The following DNAH7 variants were observed in gnomAD, a reference collection of about 807,000 sequenced individuals.
DNAH7 encodes axonemal beta dynein heavy chain 7.
Under a neutral mutation model 444.6 loss-of-function variants are expected in DNAH7, and 397 were observed. That is an observed-to-expected ratio of 0.89 (90% confidence interval 0.82 to 0.97). The LOEUF is 0.97. Among genes scored for constraint, DNAH7 ranks in the 50% least tolerant of loss-of-function variants. The probability of loss-of-function intolerance (pLI) is 0.00; values close to 1 mark genes in which losing one functional copy is unlikely to be tolerated. For missense variants in DNAH7, 4,902 were observed against 4,800.8 expected, an observed-to-expected ratio of 1.02 and a Z score of -0.62; for synonymous variants, 1,636 against 1,624.4, an observed-to-expected ratio of 1.01 and a Z score of -0.17.
At position 195,922,186 on chromosome 2, in the gene DNAH7, T is replaced by C. The variant is rs368467702; in HGVS notation, c.3837A>G (p.Leu1279=). ...QLRYYWQENH[L]ETKMINAGLR... is the part of the protein sequence containing the mutation. ...AACCAGCATTGATCATTTTTGTTTC[T>C]AAATGATTTTCCTAGGATAAATCAA... The change falls in exon 24 of 65, where the codon TTA becomes TTG. Residue 1279 remains leucine (L), a synonymous_variant. Transcript: ENST00000312428. 6.3e-7 allele frequency: 1 copy of C among 1,598,388 alleles called. No individual in the cohort carries two copies. Among genetic ancestry groups the C allele is most frequent in the Non-Finnish European group, 8.6e-7 (1 of 1,165,958 alleles).
intron 12 of DNAH7, among the ~76,000 whole-genome samples, chr2:195,990,359 C>T (rs1311363322): frequency 2.6e-5 from 4 of 152,018 alleles, no homozygotes; most frequent in Non-Finnish European, 5.9e-5. Context: ...GCTCTTGGTG[C>T]CTTTGTCAAA....
intron 19 of DNAH7, among the ~76,000 whole-genome samples, chr2:195,951,884 A>T (rs1449495232): frequency 6.6e-6 from 1 of 152,094 alleles, no homozygotes; most frequent in Non-Finnish European, 1.5e-5. Context: ...CTCTTTATCC[A>T]ATGTGACAGT....
chr2:195,979,495 T>G (rs956222026), intron 15 of DNAH7, among the ~76,000 whole-genome samples: 5 of 152,152 alleles, frequency 3.3e-5, no homozygotes, highest in African/African-American at 4.8e-5. Flanking sequence ...GGGAATTTTA[T>G]AGCTACAAGT....
At chr2:195,938,872 T>C (rs1689234135) in intron 19 of DNAH7, among the ~76,000 whole-genome samples, 1 of 152,168 alleles carries the variant, frequency 6.6e-6, no homozygotes, top group East Asian at 1.9e-4. Flanking sequence ...AATCATCTTA[T>C]GACTGGCAAC....
chr2:195,889,489 A>T (rs1267220412), intron 31 of DNAH7, among the ~76,000 whole-genome samples: 1 of 151,298 alleles, frequency 6.6e-6, no homozygotes, highest in Admixed American at 6.6e-5. Context: ...TAAATTTTTT[A>T]TTTCTTGTGG....
chr2:195,953,570 G>C (rs2125494075), intron 19 of DNAH7, among the ~76,000 whole-genome samples: 1 of 152,334 alleles, frequency 6.6e-6, no homozygotes, highest in East Asian at 1.9e-4. Context: ...GTCCCAGGGA[G>C]ATGGGAGTTT....
chr2:195,809,789 A>G lies in DNAH7; in HGVS notation c.9844T>C (p.Phe3282Leu). Residue 3282 changes from phenylalanine (F) to leucine (L), a missense_variant, in exon 52 of 65, where the codon TTT (phenylalanine) becomes CTT (leucine). Phe to Leu is a conservative substitution (Grantham distance 22). Coordinates refer to ENST00000312428, the MANE Select transcript of DNAH7 (RefSeq NM_018897.3). ...AGATTTATGGTTAGACAAAAGGAAA[A>G]GAGCAGCTTATCCTTTTCAAAGAGT... ...RSLFEKDKLL[F>L]SFCLTINLLL... 1 of 1,599,968 alleles carries G rather than the reference A, an allele frequency of 6.3e-7. No individual in the cohort carries two copies. The highest frequency in any genetic ancestry group is 2.3e-5 in the East Asian group (1 of 44,060).
At chr2:195,877,090 G>A (rs1190072821) in intron 36 of DNAH7, among the ~76,000 whole-genome samples, 1 of 152,098 alleles carries the variant, frequency 6.6e-6, no homozygotes, top group Non-Finnish European at 1.5e-5. Flanking sequence ...CGATCTTTCT[G>A]TAAGTTAGAA....
chr2:195,778,982 T>A (rs965148704), intron 58 of DNAH7, among the ~76,000 whole-genome samples: 1 of 151,860 alleles, frequency 6.6e-6, no homozygotes, highest in African/African-American at 2.4e-5. Context: ...TAGCTGGGAC[T>A]ACAGGCATGT....
At chr2:195,801,436 A>C (rs1167052500) in intron 54 of DNAH7, among the ~76,000 whole-genome samples, 2 of 152,148 alleles carry the variant, frequency 1.3e-5, no homozygotes, top group Non-Finnish European at 2.9e-5. Context: ...CCTAGTAGAC[A>C]AGGGGCTACA....
chr2:195,863,530 T>G (rs892364993), intron 41 of DNAH7, among the ~76,000 whole-genome samples: 2 of 152,132 alleles, frequency 1.3e-5, no homozygotes, highest in African/African-American at 4.8e-5. Context: ...AGTACTGAAG[T>G]CCACAGAAAA....
intron 64 of DNAH7, 133 bp from the exon 65 acceptor site, chr2:195,738,260 C>T: frequency 1.3e-6 from 1 of 748,814 alleles, no homozygotes; most frequent in East Asian, 2.7e-5. Context: ...TTTTCACCAG[C>T]AGTGTTGTTG....
chr2:195,828,610 ATTTTTT>A (rs35765183), intron 48 of DNAH7, among the ~76,000 whole-genome samples: 3 of 135,116 alleles, frequency 2.2e-5, no homozygotes, highest in Non-Finnish European at 3.1e-5. Flanking sequence ...ATATATATAT[ATTTTTT>A]TTTTTTTTTT....
In DNAH7 at chr2:195,816,949, ATTTCT is replaced by A. The variant is rs1697250985; in HGVS notation, c.9435_9439del (p.Lys3145AsnfsTer20). The A allele has an allele frequency of 3.1e-6, 5 of 1,592,278 alleles. No individual in the cohort carries two copies. Among genetic ancestry groups the A allele is most frequent in the Admixed American group, 1.8e-5 (1 of 55,534 alleles). On this transcript the variant is annotated frameshift_variant, in exon 51 of 65. Coordinates refer to ENST00000312428, the MANE Select transcript of DNAH7 (RefSeq NM_018897.3). LOFTEE classifies it high-confidence loss of function. The stretch of plus-strand genomic sequence containing the variant: ...AAGAACTTCTAAAATCTTGTCTTCT[ATTTCT>A]TTTAACTGCCTGGAATAAAACAAAA...
At chr2:195,776,072 A>C in intron 59 of DNAH7, 89 bp from the exon 60 acceptor site, 5 of 1,491,352 alleles carry the variant, frequency 3.4e-6, no homozygotes, top group Non-Finnish European at 4.6e-6. Context: ...TTCAATACTC[A>C]AGTTATTGAC....
At chr2:195,831,832 G>T (rs1357487599) in intron 48 of DNAH7, among the ~76,000 whole-genome samples, 1 of 152,128 alleles carries the variant, frequency 6.6e-6, no homozygotes, top group Admixed American at 6.5e-5. Context: ...CACATAAATA[G>T]AAAGGGAACG....
At chr2:195,790,949 A>G (rs1695850231) in intron 57 of DNAH7, among the ~76,000 whole-genome samples, 1 of 152,206 alleles carries the variant, frequency 6.6e-6, no homozygotes, top group South Asian at 2.1e-4. Context: ...GTATCTGACA[A>G]TGGTCTAATA....
At chr2:195,755,731 A>G (rs934085462) in intron 62 of DNAH7, among the ~76,000 whole-genome samples, 3 of 152,176 alleles carry the variant, frequency 2.0e-5, no homozygotes, top group Non-Finnish European at 4.4e-5. Context: ...TGCCCACTCA[A>G]CATTTCCAAG....
chr2:195,864,585 A>G lies in DNAH7; in HGVS notation c.7070T>C (p.Met2357Thr). ...RQSVTRLAAH[M>T]ADYSVFQVEI... ...AACTTGGAAAACTGAATAATCAGCC[A>G]TGTGGGCAGCTAATCTGGTGACAGA... The change falls in exon 41 of 65, where the codon ATG (methionine) becomes ACG (threonine). Residue 2357 changes from methionine (M) to threonine (T), a missense_variant. Coordinates refer to ENST00000312428, the MANE Select transcript of DNAH7 (RefSeq NM_018897.3). 6.2e-7 allele frequency: 1 copy of G among 1,614,188 alleles called. No individual in the cohort carries two copies. Among genetic ancestry groups the G allele is most frequent in the Non-Finnish European group, 8.5e-7 (1 of 1,180,034 alleles).
Sources: gnomAD v4.1 joint callset for allele counts (sites outside exome capture counted in the v4.1 genomes callset) on GRCh38, gnomAD v4.1.1 for gene constraint, MANE v1.5 for transcripts, NCBI Gene and HGNC (gene_info 2026-07-23, HGNC 2026-07-21) for gene names.